Variants in TNRC6B observed in about 807,000 individuals in gnomAD.
The protein encoded by TNRC6B is trinucleotide repeat containing adaptor 6B.
Under a neutral mutation model 203.6 loss-of-function variants are expected in TNRC6B, and 52 were observed. The ratio of observed to expected loss-of-function variants is 0.26; its 90% confidence interval spans 0.20 to 0.32. The LOEUF (loss-of-function observed/expected upper bound fraction) is 0.32, where lower values mean the gene tolerates loss of function less well. Ranked by LOEUF, TNRC6B falls within the 10% of genes least tolerant of loss-of-function variation. The pLI, the probability that TNRC6B is intolerant of heterozygous loss-of-function variation, is 1.00. For synonymous variants in TNRC6B, 838 were observed against 845.7 expected (o/e 0.99, Z 0.16); for missense variants, 1,923 against 2,286.2 (o/e 0.84, Z 3.24).
chr22:40,086,176 T>C (rs550828275), intron 1 of TNRC6B, among the ~76,000 whole-genome samples: 54 of 152,284 alleles, frequency 3.5e-4, no homozygotes, highest in South Asian at 1.2e-3. Context: ...TGGCCAGAAA[T>C]AGTCTCTTAT....
intron 3 of TNRC6B, among the ~76,000 whole-genome samples, chr22:40,152,308 A>T (rs2068765368): frequency 6.6e-6 from 1 of 152,162 alleles, no homozygotes; most frequent in African/African-American, 2.4e-5. Flanking sequence ...GGAAAAGTTT[A>T]CTGACTTCAA....
chr22:40,170,264 C>T (rs1423542380), intron 4 of TNRC6B, among the ~76,000 whole-genome samples: 3 of 137,208 alleles, frequency 2.2e-5, no homozygotes, highest in Non-Finnish European at 4.6e-5. Flanking sequence ...GGCAACAGGG[C>T]GAAACCCTAT....
chr22:40,272,172 A>G (rs566066057), intron 6 of TNRC6B, among the ~76,000 whole-genome samples: 4 of 152,334 alleles, frequency 2.6e-5, no homozygotes, highest in South Asian at 4.1e-4. Flanking sequence ...CAGAGGCAGC[A>G]GTCCTGGTTA....
At chr22:40,297,263 T>C (rs997374138) in intron 12 of TNRC6B, among the ~76,000 whole-genome samples, 1 of 152,212 alleles carries the variant, frequency 6.6e-6, no homozygotes, top group African/African-American at 2.4e-5. Context: ...ATTCCTAGGC[T>C]GATCGTTTCA....
intron 1 of TNRC6B, among the ~76,000 whole-genome samples, chr22:40,057,960 A>G (rs7290298): frequency 2.0e-5 from 3 of 152,048 alleles, no homozygotes; most frequent in African/African-American, 7.3e-5. Context: ...TTAAGTTAAT[A>G]TTTCACCATC....
At chr22:40,167,513 G>A (rs182569015) in intron 4 of TNRC6B, among the ~76,000 whole-genome samples, 20 of 152,182 alleles carry the variant, frequency 1.3e-4, no homozygotes, top group Non-Finnish European at 1.5e-4. Flanking sequence ...TTGCACAGCA[G>A]AGTGAATATA....
intron 16 of TNRC6B, 109 bp from the exon 17 acceptor site, chr22:40,310,708 A>G (rs1240083524): frequency 1.1e-5 from 12 of 1,111,802 alleles, no homozygotes; most frequent in Non-Finnish European, 1.3e-6. Context: ...TGCTGTTTGT[A>G]TATACTCCAT....
At chr22:40,305,667 G>A (rs1287094851) in intron 15 of TNRC6B, among the ~76,000 whole-genome samples, 3 of 152,088 alleles carry the variant, frequency 2.0e-5, no homozygotes, top group African/African-American at 7.2e-5. Flanking sequence ...AACCTTTCAA[G>A]GCAATTTTCT....
At chr22:40,154,717 T>C (rs1477328865) in intron 3 of TNRC6B, among the ~76,000 whole-genome samples, 6 of 146,084 alleles carry the variant, frequency 4.1e-5, no homozygotes, top group Admixed American at 1.4e-4. Flanking sequence ...GGCGGGTACC[T>C]GTAGTCCCAG....
chr22:40,285,837 T>A, intron 12 of TNRC6B, 67 bp downstream of exon 12: 3 of 1,562,224 alleles, frequency 1.9e-6, no homozygotes, highest in Non-Finnish European at 2.6e-6. Context: ...AGTTGTTAAC[T>A]GATTTTTGTG....
At chr22:40,057,518 C>T (rs187926019) in intron 1 of TNRC6B, among the ~76,000 whole-genome samples, 91 of 152,188 alleles carry the variant, frequency 6.0e-4, no homozygotes, top group Non-Finnish European at 1.1e-3. Flanking sequence ...GTCTCAAACT[C>T]CTGACCTCAG....
intron 1 of TNRC6B, among the ~76,000 whole-genome samples, chr22:40,216,835 C>G (rs1286337993): frequency 6.6e-6 from 1 of 152,186 alleles, no homozygotes. Flanking sequence ...AACGTACATA[C>G]TCAGTTGAAA....
chr22:40,078,240 A>G (rs1326360032), intron 1 of TNRC6B, among the ~76,000 whole-genome samples: 2 of 152,206 alleles, frequency 1.3e-5, no homozygotes, highest in Non-Finnish European at 2.9e-5. Context: ...AAAATTATTT[A>G]TGATTGGCTG....
At chr22:40,137,898 C>A (rs918925158) in intron 3 of TNRC6B, among the ~76,000 whole-genome samples, 1 of 151,180 alleles carries the variant, frequency 6.6e-6, no homozygotes, top group South Asian at 2.1e-4. Context: ...GCAGGAAAAT[C>A]GCTTGAATTG....
intron 1 of TNRC6B, among the ~76,000 whole-genome samples, chr22:40,076,203 G>A (rs1031466213): frequency 1.3e-5 from 2 of 152,190 alleles, no homozygotes; most frequent in Non-Finnish European, 2.9e-5. Context: ...GATAGCTTGA[G>A]CCCAGAAGTT....
At chr22:40,251,679 A>G (rs1441751348) in intron 3 of TNRC6B, among the ~76,000 whole-genome samples, 1 of 151,932 alleles carries the variant, frequency 6.6e-6, no homozygotes, top group Admixed American at 6.6e-5. Context: ...AGATCATGCC[A>G]CTACACTCCA....
At chr22:40,079,309 G>A (rs886404484) in intron 1 of TNRC6B, among the ~76,000 whole-genome samples, 7 of 152,104 alleles carry the variant, frequency 4.6e-5, no homozygotes, top group Non-Finnish European at 8.8e-5. Flanking sequence ...GGGTGTTACA[G>A]AGCTCTCCAG....
At chr22:40,148,498 G>T (rs1000914640) in intron 3 of TNRC6B, among the ~76,000 whole-genome samples, 1 of 152,056 alleles carries the variant, frequency 6.6e-6, no homozygotes, top group Non-Finnish European at 1.5e-5. Flanking sequence ...TGGCCAGGAT[G>T]ATCTCAATCT....
chr22:40,151,217 G>A (rs1272289341), intron 3 of TNRC6B, among the ~76,000 whole-genome samples: 1 of 151,692 alleles, frequency 6.6e-6, no homozygotes, highest in East Asian at 1.9e-4. Context: ...GTTGCAGTGA[G>A]CCGAGATCAC....
Sources: allele counts gnomAD v4.1 joint callset (sites outside exome capture counted in the v4.1 genomes callset), GRCh38; gene constraint gnomAD v4.1.1; transcripts MANE v1.5; gene names NCBI Gene and HGNC (gene_info 2026-07-23, HGNC 2026-07-21).